Variants in DCUN1D4 observed in about 807,000 individuals in gnomAD.
The protein encoded by DCUN1D4 is defective in cullin neddylation 1 domain containing 4.
A neutral mutation model predicts 47.9 loss-of-function variants in DCUN1D4; 22 were observed. That is an observed-to-expected ratio of 0.46 (90% CI 0.33 to 0.66). The LOEUF (loss-of-function observed/expected upper bound fraction) is 0.66. Among genes scored for constraint, DCUN1D4 ranks in the 30% least tolerant of loss-of-function variants. The pLI, the probability that DCUN1D4 is intolerant of heterozygous loss-of-function variation, is 0.02. For synonymous variants in DCUN1D4, 121 were observed against 112.2 expected, an observed-to-expected ratio of 1.08 and a Z score of -0.50; for missense variants, 301 against 340.8, an observed-to-expected ratio of 0.88 and a Z score of 0.92.
chr4:51,886,440 C>G, intron 5 of DCUN1D4, 128 bp from the exon 6 acceptor site: 1 of 692,510 alleles, frequency 1.4e-6, no homozygotes, highest in Non-Finnish European at 2.3e-6. Context: ...TCAACTTAGA[C>G]TTGATTTTTT....
the DCUN1D4 span, among the ~76,000 whole-genome samples, chr4:51,837,129 C>T: frequency 9.2e-5 from 14 of 152,336 alleles, no homozygotes; most frequent in South Asian, 2.7e-3. Flanking sequence ...TTTAATGCAG[C>T]ATCATTAGGA....
In DCUN1D4 at chr4:51,863,707, C is replaced by G. The variant is rs200103544; in HGVS notation, c.134C>G (p.Thr45Arg). The G allele has an allele frequency of 1.2e-6, 2 of 1,612,866 alleles. No individual in the cohort carries two copies. Among genetic ancestry groups the G allele is most frequent in the Admixed American group, 1.7e-5 (1 of 59,778 alleles). ...TEDIGQDDHQ[T>R]GSLRSCSSSD... ...GACATTGGCCAAGACGATCACCAAA[C>G]AGGTATCTGTAAATGCTAACACTAC... The change falls in exon 3 of 11, where the codon ACA becomes AGA. Residue 45 changes from threonine (T) to arginine (R), a missense_variant and splice_region_variant. By Grantham distance (71) the Thr-to-Arg change is moderately conservative. Around this residue, in one of 2 missense-constraint regions of DCUN1D4, gnomAD observed 131 missense variants for 106.3 expected, o/e 1.23. Transcript: ENST00000334635.
chr4:51,863,668 A>G lies in DCUN1D4; in HGVS notation c.97-2A>G, dbSNP rs766283956. On this transcript the variant is annotated splice_acceptor_variant, in intron 2 of 10. Coordinates refer to ENST00000334635, the MANE Select transcript of DCUN1D4 (RefSeq NM_001040402.3). LOFTEE classifies it high-confidence loss of function. ...TCGTAATAACGAACATATTTCTTTC[A>G]GAACCTAACAGAAGACATTGGCCAA... 7 of 1,613,376 alleles carry G rather than the reference A, an allele frequency of 4.3e-6. No individual in the cohort carries two copies. The highest frequency in any genetic ancestry group is 4.5e-5 in the East Asian group (2 of 44,814).
Position 51,874,381 on chromosome 4 carries a change from G to A in DCUN1D4, c.247G>A (p.Asp83Asn), listed in dbSNP as rs749923231. 1.9e-6 allele frequency: 3 copies of A among 1,603,056 alleles called. No homozygotes were observed. The highest frequency in any genetic ancestry group is 2.2e-5 in the South Asian group (2 of 90,700). ...DDLSAKKSRHDSMYRKYDSTR... is the reference protein window; with the variant it reads ...DDLSAKKSRHNSMYRKYDSTR... ...TTTATCTGCCAAGAAAAGTAGACAT[G>A]ATAGGTATGATGTAGAGACAGTAGA... is the stretch of plus-strand genomic sequence containing the variant. Residue 83 changes from aspartate (D) to asparagine (N), a missense_variant, in exon 4 of 11, where the codon GAT (aspartate) becomes AAT (asparagine). This residue lies in a region of DCUN1D4 where 131 missense variants were observed against 106.3 expected (regional missense o/e 1.23). Transcript: ENST00000334635.
intron 7 of DCUN1D4, 83 bp downstream of exon 7, chr4:51,891,934 T>G: frequency 5.7e-6 from 6 of 1,052,438 alleles, no homozygotes; most frequent in Non-Finnish European, 8.5e-6. Context: ...AGGAGGTGAT[T>G]GAGTGAGTGG....
chr4:51,835,506 A>C, the DCUN1D4 span, among the ~76,000 whole-genome samples: 2 of 152,238 alleles, frequency 1.3e-5, no homozygotes, highest in Non-Finnish European at 2.9e-5. Flanking sequence ...ATGGAGGTTT[A>C]GGAACCACTG....
chr4:51,888,108 T>G (rs1418715266), intron 6 of DCUN1D4, among the ~76,000 whole-genome samples: 1 of 152,070 alleles, frequency 6.6e-6, no homozygotes, highest in East Asian at 1.9e-4. Flanking sequence ...TCTAAACATG[T>G]AGTCAGAGGG....
At chr4:51,880,334 A>T (rs1402178593) in intron 5 of DCUN1D4, among the ~76,000 whole-genome samples, 2 of 152,190 alleles carry the variant, frequency 1.3e-5, no homozygotes, top group Non-Finnish European at 2.9e-5. Flanking sequence ...AGCCATGTTC[A>T]TTTTCCGTAG....
chr4:51,846,256 C>T (rs1255619594), intron 1 of DCUN1D4, among the ~76,000 whole-genome samples: 1 of 152,058 alleles, frequency 6.6e-6, no homozygotes, highest in Non-Finnish European at 1.5e-5. Context: ...TTCTTGTGAA[C>T]GTAGCTGTGC....
At chr4:51,905,931 A>T (rs983786916) in intron 8 of DCUN1D4, among the ~76,000 whole-genome samples, 4 of 152,280 alleles carry the variant, frequency 2.6e-5, no homozygotes, top group African/African-American at 9.6e-5. Context: ...ATCGAGGTGA[A>T]CCAGACAGAA....
chr4:51,906,995 G>GT (rs1164828782), intron 8 of DCUN1D4, among the ~76,000 whole-genome samples: 3 of 152,194 alleles, frequency 2.0e-5, no homozygotes, highest in Non-Finnish European at 4.4e-5. Flanking sequence ...GGTGAAATGA[G>GT]TTTAAGTGTA....
At chr4:51,835,229 TTC>T in the DCUN1D4 span, among the ~76,000 whole-genome samples, 1 of 152,240 alleles carries the variant, frequency 6.6e-6, no homozygotes, top group African/African-American at 2.4e-5. Context: ...TAGGATTTCA[TTC>T]TCTGACTTCC....
At chr4:51,844,365 C>T in intron 1 of DCUN1D4, 1 of 984,762 alleles carries the variant, frequency 1.0e-6, no homozygotes, top group Non-Finnish European at 1.2e-6. Context: ...AAGGTTGGAA[C>T]TGGCCGTGGT....
chr4:51,900,645 A>C (rs553116052), intron 8 of DCUN1D4, among the ~76,000 whole-genome samples: 1 of 152,268 alleles, frequency 6.6e-6, no homozygotes, highest in East Asian at 1.9e-4. Flanking sequence ...AGGTAAGAGG[A>C]TTGCTTAAGA....
rs779116710 is a variant in DCUN1D4, at chr4:51,874,402, G to A, written c.251+17G>A. The A allele has an allele frequency of 5.1e-6, 8 of 1,566,534 alleles. No individual in the cohort carries two copies. The highest frequency in any genetic ancestry group is 7.0e-6 in the Non-Finnish European group (8 of 1,141,604). On this transcript the variant is annotated intron_variant, in intron 4 of 10. Transcript: ENST00000334635. The stretch of plus-strand genomic sequence containing the variant: ...ACATGATAGGTATGATGTAGAGACA[G>A]TAGATCAGAATCAGTGATACATATG...
the DCUN1D4 span, among the ~76,000 whole-genome samples, chr4:51,837,442 C>T: frequency 1.3e-4 from 19 of 151,638 alleles, 1 homozygote; most frequent in South Asian, 4.2e-4. Context: ...CCGAGGCGGG[C>T]GGATCACGAG....
intron 7 of DCUN1D4, among the ~76,000 whole-genome samples, chr4:51,899,038 A>G (rs1183185298): frequency 4.6e-5 from 7 of 152,236 alleles, no homozygotes; most frequent in African/African-American, 1.7e-4. Context: ...ACATAAATAT[A>G]AAAAAGGTTA....
chr4:51,834,109 T>TTTTC, the DCUN1D4 span, among the ~76,000 whole-genome samples: 4 of 126,656 alleles, frequency 3.2e-5, no homozygotes, highest in African/African-American at 1.5e-4. Flanking sequence ...CTTTCTTTTT[T>TTTTC]TTTTCTTTTT....
intron 8 of DCUN1D4, among the ~76,000 whole-genome samples, chr4:51,906,190 A>G (rs982466210): frequency 6.6e-6 from 1 of 152,106 alleles, no homozygotes; most frequent in African/African-American, 2.4e-5. Context: ...CAGCCCCTCC[A>G]TGTACTCTCT....
Sources: allele counts gnomAD v4.1 joint callset (sites outside exome capture counted in the v4.1 genomes callset), GRCh38; gene constraint gnomAD v4.1.1; regional missense constraint gnomAD v4.1.1; transcripts MANE v1.5; gene names NCBI Gene and HGNC (gene_info 2026-07-23, HGNC 2026-07-21).